The following FILIP1 variants were observed in gnomAD, a reference collection of about 807,000 sequenced individuals.
The protein encoded by FILIP1 is filamin A interacting protein 1.
Under a neutral mutation model 102.1 loss-of-function variants are expected in FILIP1, and 61 were observed. The ratio of observed to expected loss-of-function variants is 0.60; its 90% CI spans 0.49 to 0.74. The LOEUF (loss-of-function observed/expected upper bound fraction) is 0.74, where lower values mean the gene tolerates loss of function less well. Ranked by LOEUF, FILIP1 falls within the 30% of genes least tolerant of loss-of-function variation. The pLI is 0.00. For synonymous variants in FILIP1, 491 were observed against 526.9 expected (o/e 0.93, Z 0.93); for missense variants, 1,314 against 1,441.2 (o/e 0.91, Z 1.43).
intron 2 of FILIP1, chr6:75,367,421 A>G (rs948613237): frequency 6.6e-6 from 1 of 152,264 alleles, no homozygotes; most frequent in African/African-American, 2.4e-5. Context: ...GGATCACCTT[A>G]AGTCAGGAGT....
intron 4 of FILIP1, among the ~76,000 whole-genome samples, chr6:75,345,174 C>T (rs542722392): frequency 1.1e-4 from 17 of 152,152 alleles, no homozygotes; most frequent in South Asian, 6.2e-4. Context: ...TACTTCTTGC[C>T]CATTTTTGCT....
chr6:75,440,987 CT>C (rs930308096), intron 1 of FILIP1, among the ~76,000 whole-genome samples: 3,331 of 141,102 alleles, frequency 0.024, 112 homozygotes, highest in African/African-American at 0.077. Flanking sequence ...GTAAAACTTC[CT>C]TTTTTTTTTT....
At chr6:75,449,209 T>A (rs1238563576) in intron 1 of FILIP1, among the ~76,000 whole-genome samples, 1 of 152,166 alleles carries the variant, frequency 6.6e-6, no homozygotes, top group Non-Finnish European at 1.5e-5. Context: ...ACCATTATTC[T>A]AAGTGAAGTA....
intron 1 of FILIP1, chr6:75,455,378 AGAGTTT>A (rs572733611): frequency 1.6e-4 from 24 of 152,076 alleles, no homozygotes; most frequent in Admixed American, 1.3e-3. Flanking sequence ...TAAAATTGTG[AGAGTTT>A]TTTTCATGGT....
chr6:75,371,139 TAAC>T (rs1450582053), intron 2 of FILIP1, among the ~76,000 whole-genome samples: 1 of 152,214 alleles, frequency 6.6e-6, no homozygotes, highest in Non-Finnish European at 1.5e-5. Flanking sequence ...AAATCAAAGT[TAAC>T]AAGATTCATA....
chr6:75,312,293 G>C, intron 5 of FILIP1, 104 bp downstream of exon 5: 1 of 1,092,104 alleles, frequency 9.2e-7, no homozygotes, highest in East Asian at 2.4e-5. Flanking sequence ...GATTCAGGTA[G>C]CATGAGAAGC....
chr6:75,489,978 C>G (rs1779910140), intron 1 of FILIP1, among the ~76,000 whole-genome samples: 1 of 151,904 alleles, frequency 6.6e-6, no homozygotes, highest in South Asian at 2.1e-4. Context: ...TTTCTAAAAC[C>G]CACGAGTTTA....
intron 2 of FILIP1, among the ~76,000 whole-genome samples, chr6:75,406,859 C>G (rs1776870755): frequency 6.6e-6 from 1 of 152,028 alleles, no homozygotes; most frequent in Admixed American, 6.6e-5. Flanking sequence ...AGGGTTTCAC[C>G]ATGTTGGTCA....
chr6:75,349,190 TG>T (rs1392328070), intron 4 of FILIP1, among the ~76,000 whole-genome samples: 1 of 152,222 alleles, frequency 6.6e-6, no homozygotes, highest in East Asian at 1.9e-4. Flanking sequence ...TGAATCTGGA[TG>T]GCTTATCAAC....
At chr6:75,371,686 A>C (rs1186924093) in intron 2 of FILIP1, among the ~76,000 whole-genome samples, 1 of 152,202 alleles carries the variant, frequency 6.6e-6, no homozygotes, top group Non-Finnish European at 1.5e-5. Flanking sequence ...TAGACAAATG[A>C]TTTTCTACAA....
At chr6:75,393,791 A>G (rs1293537978) in intron 2 of FILIP1, among the ~76,000 whole-genome samples, 1 of 152,214 alleles carries the variant, frequency 6.6e-6, no homozygotes. Flanking sequence ...AGGCTCCTGT[A>G]CTAGCTGCTT....
chr6:75,299,218 C>A (rs2149532933), intron 6 of FILIP1, among the ~76,000 whole-genome samples: 1 of 152,230 alleles, frequency 6.6e-6, no homozygotes, highest in South Asian at 2.1e-4. Flanking sequence ...CATCCCAGAA[C>A]AAGATTCAAC....
In FILIP1 at chr6:75,493,652, G is replaced by T. The variant is rs115186098; in HGVS notation, c.-245C>A. ...AGCAGCTTCTTCTCCCTGAAATCCC[G>T]ATCAGCAGAAATTGGAAGTTGTTGT... On this transcript the variant is annotated 5_prime_UTR_variant, in exon 1 of 6. Transcript: ENST00000237172. The T allele has an allele frequency of 6.6e-6, 1 of 152,192 alleles. No homozygotes were observed. The highest frequency in any genetic ancestry group is 1.5e-5 in the Non-Finnish European group (1 of 68,042). The allele number at this position is 152,192 out of a possible 1,614,324, so 9.4% of individuals were successfully genotyped here.
chr6:75,372,874 T>G (rs1315173786), intron 2 of FILIP1, among the ~76,000 whole-genome samples: 1 of 152,028 alleles, frequency 6.6e-6, no homozygotes, highest in African/African-American at 2.4e-5. Flanking sequence ...AAAAGTAAAA[T>G]GGTGCAGCTA....
At chr6:75,415,106 A>C in intron 1 of FILIP1, 128 bp from the exon 2 acceptor site, 1 of 898,474 alleles carries the variant, frequency 1.1e-6, no homozygotes, top group Non-Finnish European at 1.7e-6. Flanking sequence ...TTAACATGTC[A>C]TTAAAATTTT....
intron 4 of FILIP1, chr6:75,320,061 G>C: frequency 3.1e-5 from 8 of 255,160 alleles, no homozygotes; most frequent in Non-Finnish European, 6.2e-5. Flanking sequence ...TCTCTATGGA[G>C]CTCAGTTACT....
At chr6:75,352,582 T>G (rs1774845187) in intron 4 of FILIP1, among the ~76,000 whole-genome samples, 1 of 152,090 alleles carries the variant, frequency 6.6e-6, no homozygotes, top group Non-Finnish European at 1.5e-5. Flanking sequence ...GTTTGGTTTG[T>G]TTTTTTACCC....
At chr6:75,350,442 G>A (rs1395495831) in intron 4 of FILIP1, among the ~76,000 whole-genome samples, 1 of 144,048 alleles carries the variant, frequency 6.9e-6, no homozygotes, top group East Asian at 2.0e-4. Flanking sequence ...TTTCTACGTA[G>A]CACTTTGCTC....
intron 2 of FILIP1, among the ~76,000 whole-genome samples, chr6:75,373,196 C>G (rs1353000219): frequency 6.6e-6 from 1 of 152,140 alleles, no homozygotes; most frequent in Non-Finnish European, 1.5e-5. Flanking sequence ...AGGACAAATG[C>G]TGTATGATTC....
Sources: gnomAD v4.1 joint callset for allele counts (sites outside exome capture counted in the v4.1 genomes callset) on GRCh38, gnomAD v4.1.1 for gene constraint, MANE v1.5 for transcripts, NCBI Gene and HGNC (gene_info 2026-07-23, HGNC 2026-07-21) for gene names.